Variants in ATR observed in about 807,000 individuals in gnomAD.
ATR encodes ATR checkpoint kinase, also known as serine/threonine-protein kinase ATR.
In ATR, 142 loss-of-function variants were observed where a neutral mutation model predicts 305.3. That is an observed-to-expected ratio of 0.47 (90% CI 0.41 to 0.53). The LOEUF (loss-of-function observed/expected upper bound fraction) is 0.53. Among genes scored for constraint, ATR ranks in the 20% least tolerant of loss-of-function variants. The pLI is 0.00. For synonymous variants in ATR, 1,050 were observed against 1,068.1 expected (o/e 0.98, Z 0.33); for missense variants, 2,135 against 3,133.1 (o/e 0.68, Z 7.60).
chr3:142,506,486 G>A (rs571529843), intron 28 of ATR, among the ~76,000 whole-genome samples: 1 of 152,180 alleles, frequency 6.6e-6, no homozygotes, highest in South Asian at 2.1e-4. Flanking sequence ...TTGAGGTCAG[G>A]AGGCCAGCCC....
intron 27 of ATR, among the ~76,000 whole-genome samples, chr3:142,509,634 G>A (rs529967710): frequency 1.7e-4 from 22 of 126,974 alleles, no homozygotes; most frequent in East Asian, 4.8e-4. Context: ...TTGTCTCACC[G>A]TAGCCTCAAT....
chr3:142,569,792 A>G (rs1340616991), intron 1 of ATR, among the ~76,000 whole-genome samples: 1 of 151,952 alleles, frequency 6.6e-6, no homozygotes, highest in Admixed American at 6.6e-5. Flanking sequence ...TACTACAGGC[A>G]TGCACCACCA....
chr3:142,468,604 T>C (rs1051376292), intron 38 of ATR, among the ~76,000 whole-genome samples: 11 of 152,190 alleles, frequency 7.2e-5, no homozygotes, highest in Non-Finnish European at 1.3e-4. Context: ...TGTCTCTGTA[T>C]TGTCTAAATT....
At chr3:142,485,064 G>C (rs2030823167) in intron 36 of ATR, 76 bp downstream of exon 36, 29 of 1,574,724 alleles carry the variant, frequency 1.8e-5, no homozygotes, top group Non-Finnish European at 2.4e-5. Flanking sequence ...AATATGCTAA[G>C]ACATGTGATA....
intron 14 of ATR, 141 bp from the exon 15 acceptor site, chr3:142,549,814 C>A (rs2034409484): frequency 1.3e-6 from 1 of 765,682 alleles, no homozygotes; most frequent in African/African-American, 1.8e-5. Context: ...AATAGTAGAT[C>A]ATTTATACCA....
In ATR at chr3:142,466,390, A is replaced by G; in HGVS notation, c.6831T>C (p.His2277=). 3.1e-6 allele frequency: 5 copies of G among 1,614,030 alleles called. No individual in the cohort carries two copies. The highest frequency in any genetic ancestry group is 4.2e-6 in the Non-Finnish European group (5 of 1,179,930). The stretch of plus-strand genomic sequence containing the variant: ...ATGGTTCATGGCTAGCATGGTTAGC[A>G]TGGGTACCCAGAATTGATGGAAGTG... ...IPTLPSILGT[H]ANHASHEPFP... is the part of the protein sequence containing the mutation. Residue 2277 remains histidine (H), a synonymous_variant, in exon 40 of 47, where the codon CAT becomes CAC. Transcript: ENST00000350721.
intron 46 of ATR, chr3:142,450,666 T>C (rs928281053): frequency 8.1e-6 from 13 of 1,602,598 alleles, no homozygotes; most frequent in African/African-American, 2.7e-5. Flanking sequence ...GTCAGTATTA[T>C]GCAATTTAAA....
chr3:142,551,759 CA>C (rs2034478206), intron 13 of ATR, among the ~76,000 whole-genome samples: 1 of 152,160 alleles, frequency 6.6e-6, no homozygotes, highest in Non-Finnish European at 1.5e-5. Context: ...GCTATAGGCA[CA>C]GGCAAAGATT....
chr3:142,484,250 A>G (rs1403317516), intron 36 of ATR, among the ~76,000 whole-genome samples: 1 of 152,234 alleles, frequency 6.6e-6, no homozygotes, highest in East Asian at 1.9e-4. Flanking sequence ...AAGGCCAAGA[A>G]AAGTCTGAAC....
chr3:142,496,836 G>A (rs1390732179), intron 33 of ATR, among the ~76,000 whole-genome samples, 177 bp downstream of exon 33: 3 of 152,104 alleles, frequency 2.0e-5, no homozygotes, highest in Admixed American at 2.0e-4. Context: ...AAGAAATGGT[G>A]TCTAAAAGTG....
rs2108371404 is a variant in ATR, at chr3:142,512,315, C to A, written c.4797G>T (p.Leu1599=). Residue 1599 remains leucine, a synonymous_variant, in exon 27 of 47, where the codon CTG becomes CTT. Transcript: ENST00000350721. ...TGCTGTGTGGACATTTCTCAGCTTTCAGTGCCTGAAATTTGTGCCTTGCCC... is the reference window on the plus strand; with the variant it reads ...TGCTGTGTGGACATTTCTCAGCTTTAAGTGCCTGAAATTTGTGCCTTGCCC... ...TQWARHKFQA[L]KAEKCPHSKS... 1 of 1,610,614 alleles carries A rather than the reference C, an allele frequency of 6.2e-7. No individual in the cohort carries two copies. The highest frequency in any genetic ancestry group is 8.5e-7 in the Non-Finnish European group (1 of 1,178,264).
intron 1 of ATR, among the ~76,000 whole-genome samples, chr3:142,571,465 C>CAATAAATAAATA (rs72292987): frequency 7.0e-6 from 1 of 143,156 alleles, no homozygotes; most frequent in African/African-American, 2.6e-5. Context: ...GACTCAGTCT[C>CAATAAATAAATA]AATAAATAAA....
Position 142,553,637 on chromosome 3 carries a change from T to A in ATR, c.2633+3A>T. On this transcript the variant is annotated splice_donor_region_variant and intron_variant, in intron 12 of 46. Transcript: ENST00000350721. ...GGAAGAACACAAATGCTGCCAAGTA[T>A]ACCTTCCAATATCCCCTGTTGTAAG... 6.3e-7 allele frequency: 1 copy of A among 1,597,606 alleles called. No homozygotes were observed. Among genetic ancestry groups the A allele is most frequent in the South Asian group, 1.1e-5 (1 of 90,088 alleles).
In ATR at chr3:142,578,520, C is replaced by T. The variant is rs778415806; in HGVS notation, c.59+126G>A. The T allele has an allele frequency of 1.1e-3, 1,317 of 1,163,764 alleles. 5 individuals are homozygous for T. Among genetic ancestry groups the T allele is most frequent in the Non-Finnish European group, 1.5e-3 (1,221 of 828,022 alleles). The allele number at this position is 1,163,764 out of a possible 1,614,324, so 72.1% of individuals were successfully genotyped here. On this transcript the variant is annotated intron_variant, in intron 1 of 46. Transcript: ENST00000350721. Reference sequence around the variant, plus strand: ...CGCCCAAATCAGCCACGGAGCATCTCCACAAGGGCCGCAGCGGGGGCTTAG... The same window carrying T: ...CGCCCAAATCAGCCACGGAGCATCTTCACAAGGGCCGCAGCGGGGGCTTAG...
intron 21 of ATR, among the ~76,000 whole-genome samples, chr3:142,528,830 T>A: frequency 7.0e-6 from 1 of 142,384 alleles, no homozygotes; most frequent in East Asian, 2.0e-4. Flanking sequence ...AGGATGACAG[T>A]TTATACTTTT....
chr3:142,480,195 GT>G (rs1414448400), intron 36 of ATR, among the ~76,000 whole-genome samples: 1 of 152,144 alleles, frequency 6.6e-6, no homozygotes. Context: ...TTTCTGTTCT[GT>G]TTTTTCCCCA....
rs1553761113 is a variant in ATR, at chr3:142,507,967, C to T, written c.4995G>A (p.Lys1665=). ...VMHFESFITE[K]KQNIQEHLGF... The stretch of plus-strand genomic sequence containing the variant: ...CAAGATGTTCCTGAATATTTTGCTT[C>T]TTTTCTGTAATAAATGATTCAAAGT... The change falls in exon 28 of 47, where the codon AAG becomes AAA. Residue 1665 remains lysine, a synonymous_variant. Coordinates refer to ENST00000350721, the MANE Select transcript of ATR (RefSeq NM_001184.4). The T allele has an allele frequency of 6.2e-7, 1 of 1,613,208 alleles. No homozygotes were observed. The highest frequency in any genetic ancestry group is 8.5e-7 in the Non-Finnish European group (1 of 1,179,406).
intron 5 of ATR, 116 bp downstream of exon 5, chr3:142,561,127 A>T: frequency 2.5e-6 from 3 of 1,197,498 alleles, no homozygotes; most frequent in Non-Finnish European, 3.6e-6. Context: ...CCTTGGCTAC[A>T]TTTAGAAAGA....
intron 24 of ATR, among the ~76,000 whole-genome samples, chr3:142,517,536 G>A (rs144417835): frequency 1.3e-5 from 2 of 152,200 alleles, no homozygotes; most frequent in African/African-American, 4.8e-5. Context: ...CAACGCTATT[G>A]AAAACGCACT....
Sources: gnomAD v4.1 joint callset for allele counts (sites outside exome capture counted in the v4.1 genomes callset) on GRCh38, gnomAD v4.1.1 for gene constraint, MANE v1.5 for transcripts, NCBI Gene and HGNC (gene_info 2026-07-23, HGNC 2026-07-21) for gene names.